Variants in DNM3 observed in about 807,000 individuals in gnomAD.
The protein encoded by DNM3 is dynamin-3.
A neutral mutation model predicts 101.6 loss-of-function variants in DNM3; 47 were observed. That is an observed-to-expected ratio of 0.46 (90% CI 0.37 to 0.59). The LOEUF is 0.59. DNM3 is among the 20% of genes least tolerant of loss of function. DNM3 has a pLI of 0.00. For synonymous variants in DNM3, 385 were observed against 387.9 expected, an observed-to-expected ratio of 0.99 and a Z score of 0.09; for missense variants, 849 against 1,085.7, an observed-to-expected ratio of 0.78 and a Z score of 3.06.
intron 13 of DNM3, among the ~76,000 whole-genome samples, chr1:172,121,035 A>G (rs1014849442): frequency 2.6e-4 from 40 of 152,162 alleles, no homozygotes; most frequent in African/African-American, 4.6e-4. Flanking sequence ...CATTTTATTC[A>G]GGCCTTGATA....
At chr1:171,846,535 A>G (rs901517099) in intron 1 of DNM3, among the ~76,000 whole-genome samples, 4 of 152,192 alleles carry the variant, frequency 2.6e-5, no homozygotes, top group African/African-American at 4.8e-5. Flanking sequence ...CTTCTTAGGT[A>G]GTACCTTTTG....
rs552129944 is a variant in DNM3, at chr1:172,222,228, T to C, written c.1660-31345T>C. ...GGCCACTTGCTTTAGCTAGAATCAC[T>C]ACCTAAACTATGGTATTCACATCAT... On this transcript the variant is annotated intron_variant, in intron 14 of 20. Coordinates refer to ENST00000627582, the MANE Select transcript of DNM3 (RefSeq NM_015569.5). 3.2e-4 allele frequency among the ~76,000 whole-genome samples: 49 copies of C among 152,322 alleles called. 1 individual carries two copies. The highest frequency in any genetic ancestry group is 1.1e-3 in the African/African-American group (45 of 41,580).
At chr1:172,182,915 G>A (rs2059398005) in intron 14 of DNM3, among the ~76,000 whole-genome samples, 1 of 152,062 alleles carries the variant, frequency 6.6e-6, no homozygotes, top group Non-Finnish European at 1.5e-5. Context: ...TGATAATGTA[G>A]TATCATTCCA....
chr1:172,279,845 GT>G (rs1206471293), intron 15 of DNM3, among the ~76,000 whole-genome samples: 2 of 152,124 alleles, frequency 1.3e-5, no homozygotes, highest in African/African-American at 4.8e-5. Context: ...CCTTGCTGTT[GT>G]CATCCTGCAG....
intron 14 of DNM3, among the ~76,000 whole-genome samples, chr1:172,199,825 G>A (rs1467869305): frequency 2.6e-5 from 4 of 152,062 alleles, no homozygotes; most frequent in Non-Finnish European, 5.9e-5. Context: ...GTAATGACAA[G>A]ACAGCATACT....
intron 15 of DNM3, among the ~76,000 whole-genome samples, chr1:172,261,677 T>A (rs1009317074): frequency 2.0e-4 from 31 of 152,196 alleles, no homozygotes; most frequent in African/African-American, 6.5e-4. Flanking sequence ...TGGTGGAACA[T>A]CCATCTGGGA....
At chr1:172,213,020 C>T (rs2060566457) in intron 14 of DNM3, among the ~76,000 whole-genome samples, 2 of 152,094 alleles carry the variant, frequency 1.3e-5, no homozygotes, top group African/African-American at 4.8e-5. Flanking sequence ...GGTCAAAGAG[C>T]TACTTGGAGG....
chr1:171,914,224 C>T (rs1251156676), intron 1 of DNM3, among the ~76,000 whole-genome samples: 2 of 151,992 alleles, frequency 1.3e-5, no homozygotes, highest in East Asian at 1.9e-4. Flanking sequence ...ATGATGCGAT[C>T]GCGGCTCACC....
chr1:172,239,809 T>TTTC (rs2061683510), intron 14 of DNM3, among the ~76,000 whole-genome samples: 1 of 142,834 alleles, frequency 7.0e-6, no homozygotes, highest in South Asian at 2.3e-4. Flanking sequence ...TCTTTTTTTT[T>TTTC]TTTTTTTTTT....
intron 14 of DNM3, among the ~76,000 whole-genome samples, chr1:172,186,453 C>A (rs11807738): frequency 6.6e-6 from 1 of 150,990 alleles, no homozygotes; most frequent in Non-Finnish European, 1.5e-5. Flanking sequence ...TAGTACCAAT[C>A]GTGGGTAAAA....
chr1:172,009,499 T>C (rs577260163), intron 4 of DNM3, among the ~76,000 whole-genome samples: 1 of 151,650 alleles, frequency 6.6e-6, no homozygotes, highest in Non-Finnish European at 1.5e-5. Flanking sequence ...TTAATTAAAT[T>C]AAAATTTAAT....
intron 14 of DNM3, chr1:172,139,800 T>G (rs2057470229): frequency 6.6e-6 from 1 of 152,096 alleles, no homozygotes; most frequent in Admixed American, 6.6e-5. Context: ...CCTTTGAAAA[T>G]TTTTCTTATA....
At chr1:171,950,711 G>A (rs929120890) in intron 2 of DNM3, among the ~76,000 whole-genome samples, 2 of 152,076 alleles carry the variant, frequency 1.3e-5, no homozygotes, top group Non-Finnish European at 2.9e-5. Flanking sequence ...AATTACCAAG[G>A]AGCATGATTA....
chr1:172,201,496 G>A (rs946706152), intron 14 of DNM3, among the ~76,000 whole-genome samples: 2 of 152,200 alleles, frequency 1.3e-5, no homozygotes, highest in Admixed American at 6.6e-5. Context: ...CAATTGCTCA[G>A]TGCAATCAGC....
chr1:172,174,072 G>C (rs1253270676), intron 14 of DNM3, among the ~76,000 whole-genome samples: 5 of 151,636 alleles, frequency 3.3e-5, no homozygotes, highest in African/African-American at 2.4e-5. Context: ...TGTCATAATA[G>C]TATGTTAATA....
Position 172,408,947 on chromosome 1 carries a change from A to C in DNM3, c.*1106A>C. ...ATGGCATGGGATAAGAGCAGAGCTC[A>C]CACTTTTACAGTTGCAGTATTTCAA... is the stretch of plus-strand genomic sequence containing the variant. On this transcript the variant is annotated 3_prime_UTR_variant, in exon 21 of 21. Transcript: ENST00000627582. The C allele has an allele frequency of 1.0e-6, 1 of 985,398 alleles. No individual in the cohort carries two copies. The highest frequency in any genetic ancestry group is 1.2e-6 in the Non-Finnish European group (1 of 829,878). The allele number at this position is 985,398 out of a possible 1,614,324, so 61.0% of individuals were successfully genotyped here. A position where few individuals can be genotyped will look rare whatever the true frequency, so the allele number is the denominator to read the frequency against.
intron 5 of DNM3, 22 bp from the exon 6 acceptor site, chr1:172,033,083 A>G (rs780724139): frequency 5.6e-6 from 9 of 1,607,620 alleles, no homozygotes; most frequent in Non-Finnish European, 7.6e-6. Context: ...CCCCAACTCC[A>G]TAGATTTGTG....
intron 4 of DNM3, among the ~76,000 whole-genome samples, chr1:171,994,378 T>G (rs2125642448): frequency 6.6e-6 from 1 of 152,278 alleles, no homozygotes; most frequent in East Asian, 1.9e-4. Context: ...TTTTTTTTAG[T>G]GGTCAGGACA....
At chr1:171,917,938 T>C (rs2039850811) in intron 1 of DNM3, among the ~76,000 whole-genome samples, 1 of 152,164 alleles carries the variant, frequency 6.6e-6, no homozygotes, top group South Asian at 2.1e-4. Flanking sequence ...AATGATACAA[T>C]TCAATTGGAT....
Sources: gnomAD v4.1 joint callset for allele counts (sites outside exome capture counted in the v4.1 genomes callset) on GRCh38, gnomAD v4.1.1 for gene constraint, MANE v1.5 for transcripts, NCBI Gene and HGNC (gene_info 2026-07-23, HGNC 2026-07-21) for gene names.